GJA8: variants seen among roughly 807,000 people sequenced by gnomAD.
GJA8 encodes the protein gap junction protein alpha 8.
GJA8 carries 13 observed loss-of-function variants against 15.3 expected under a neutral mutation model. The observed-to-expected ratio is 0.85, with a 90% confidence interval of 0.55 to 1.35. The LOEUF (loss-of-function observed/expected upper bound fraction) is 1.35. Ranked by LOEUF, GJA8 falls within the 40% of genes most tolerant of loss-of-function variation. The pLI is 0.00. For synonymous variants in GJA8, 304 were observed against 238.7 expected, an observed-to-expected ratio of 1.27 and a Z score of -2.52; for missense variants, 607 against 553.3, an observed-to-expected ratio of 1.10 and a Z score of -0.97.
rs781805315 is a variant in GJA8, at chr1:147,908,684, C to T, written c.729C>T (p.Pro243=). 1 of 1,614,140 alleles carries T rather than the reference C, an allele frequency of 6.2e-7. No individual in the cohort carries two copies. Among genetic ancestry groups the T allele is most frequent in the South Asian group, 1.1e-5 (1 of 91,070 alleles). ...CCTTGAAGAGGCCTGTAGAGCAGCCCCTGGGGGAGATTCCTGAGAAATCCC... is the reference window on the plus strand; with the variant it reads ...CCTTGAAGAGGCCTGTAGAGCAGCCTCTGGGGGAGATTCCTGAGAAATCCC... ...RSALKRPVEQ[P]LGEIPEKSLH... The change falls in exon 2 of 2, where the codon CCC becomes CCT. Residue 243 remains proline, a synonymous_variant. Coordinates refer to ENST00000369235, the MANE Select transcript of GJA8 (RefSeq NM_005267.5).
chr1:147,909,911 G>A (rs1553243249), downstream of GJA8, among the ~76,000 whole-genome samples: 1 of 152,138 alleles, frequency 6.6e-6, no homozygotes, highest in African/African-American at 2.4e-5. Context: ...CCAGGCTGGG[G>A]TGCAGTGGCA....
Position 147,908,850 on chromosome 1 carries a change from C to A in GJA8, c.895C>A (p.Gln299Lys). The change falls in exon 2 of 2, where the codon CAG (glutamine) becomes AAG (lysine). Residue 299 changes from glutamine to lysine, a missense_variant. Gln to Lys is a moderately conservative substitution (Grantham distance 53). Transcript: ENST00000369235. ...TSPLPAKPFN[Q>K]FEEKISTGPL... ...CCCACTGCCTGCCAAGCCTTTCAATCAGTTCGAGGAGAAGATCAGCACAGG... is the reference window on the plus strand; with the variant it reads ...CCCACTGCCTGCCAAGCCTTTCAATAAGTTCGAGGAGAAGATCAGCACAGG... 1 of 1,614,204 alleles carries A rather than the reference C, an allele frequency of 6.2e-7. No individual in the cohort carries two copies. Among genetic ancestry groups the A allele is most frequent in the Non-Finnish European group, 8.5e-7 (1 of 1,180,046 alleles).
downstream of GJA8, among the ~76,000 whole-genome samples, chr1:147,911,858 G>C (rs181510570): frequency 6.6e-6 from 1 of 152,336 alleles, no homozygotes; most frequent in Non-Finnish European, 1.5e-5. Context: ...ACCAGTTGTA[G>C]AAATGAGGGC....
chr1:147,904,722 C>T (rs972574693), intron 1 of GJA8, among the ~76,000 whole-genome samples: 1 of 152,210 alleles, frequency 6.6e-6, no homozygotes, highest in East Asian at 1.9e-4. Flanking sequence ...CAATACATTT[C>T]CCTTCGCAGC....
chr1:147,909,166 T>C lies in GJA8; in HGVS notation c.1211T>C (p.Leu404Pro). The change falls in exon 2 of 2, where the codon CTC (leucine) becomes CCC (proline). Residue 404 changes from leucine to proline, a missense_variant. By Grantham distance (98) the Leu-to-Pro change is moderately conservative. Transcript: ENST00000369235. ...QGLPAEKTPS[L>P]CPELTTDDAR... ...CTGCCAGCTGAGAAGACACCTTCAC[T>C]CTGTCCAGAGCTGACAACAGATGAT... 2 of 1,613,744 alleles carry C rather than the reference T, an allele frequency of 1.2e-6. No homozygotes were observed. Among genetic ancestry groups the C allele is most frequent in the Non-Finnish European group, 1.7e-6 (2 of 1,179,922 alleles).
rs1651918848 is a variant in GJA8 at position 147,908,553 on chromosome 1, A to G, written c.598A>G (p.Thr200Ala). Residue 200 changes from threonine to alanine, a missense_variant, in exon 2 of 2, where the codon ACG becomes GCG. Physicochemically the swap from Thr to Ala is moderately conservative, Grantham distance 58 (BLOSUM62 0). Transcript: ENST00000369235. Reference sequence around the variant, plus strand: ...GGTGGACTGCTTCGTGTCCCGGCCCACGGAGAAAACCATCTTCATCCTGTT... The same window carrying G: ...GGTGGACTGCTTCGTGTCCCGGCCCGCGGAGAAAACCATCTTCATCCTGTT... ...NVVDCFVSRP[T>A]EKTIFILFML... is the part of the protein sequence containing the mutation. The G allele has an allele frequency of 1.2e-6, 2 of 1,614,114 alleles. No individual in the cohort carries two copies. The highest frequency in any genetic ancestry group is 2.7e-5 in the African/African-American group (2 of 75,036).
intron 1 of GJA8, among the ~76,000 whole-genome samples, chr1:147,907,364 A>C (rs1171065162): frequency 6.6e-6 from 1 of 152,202 alleles, no homozygotes; most frequent in Non-Finnish European, 1.5e-5. Flanking sequence ...ATATAATGTC[A>C]AAGTTCTTTC....
At chr1:147,909,551 T>C (rs1289316868), downstream of GJA8, among the ~76,000 whole-genome samples, 1 of 152,122 alleles carries the variant, frequency 6.6e-6, no homozygotes, top group Non-Finnish European at 1.5e-5. Flanking sequence ...CATCCCCATT[T>C]CTCCATAGAA....
At position 147,908,841 on chromosome 1, in the gene GJA8, C is replaced by G. The variant is rs1651945584; in HGVS notation, c.886C>G (p.Pro296Ala). 4 of 1,614,082 alleles carry G rather than the reference C, an allele frequency of 2.5e-6. No individual in the cohort carries two copies. The highest frequency in any genetic ancestry group is 2.7e-5 in the African/African-American group (2 of 74,918). The change falls in exon 2 of 2, where the codon CCT becomes GCT. Residue 296 changes from proline (P) to alanine (A), a missense_variant. By Grantham distance (27) the Pro-to-Ala change is conservative (BLOSUM62 -1). Transcript: ENST00000369235. The stretch of plus-strand genomic sequence containing the variant: ...GGAGACCAGCCCACTGCCTGCCAAG[C>G]CTTTCAATCAGTTCGAGGAGAAGAT... ...MVETSPLPAKPFNQFEEKIST... is the reference protein window; with the variant it reads ...MVETSPLPAKAFNQFEEKIST...
Position 147,908,088 on chromosome 1 carries a change from TG to T in GJA8, c.139del (p.Asp47MetfsTer44). The T allele has an allele frequency of 1.2e-6, 2 of 1,614,160 alleles. No homozygotes were observed. Among genetic ancestry groups the T allele is most frequent in the Non-Finnish European group, 1.7e-6 (2 of 1,180,020 alleles). ...CCTTGGCACGGCCGCAGAGTTCGTG[TG>T]GGGGGATGAGCAATCCGACTTCGTG... ...LILGTAAEFV[W>X]GDEQSDFVCN... On this transcript the variant is annotated frameshift_variant, in exon 2 of 2. Transcript: ENST00000369235. LOFTEE classifies it high-confidence loss of function.
chr1:147,908,953 GC>G lies in GJA8; in HGVS notation c.999del (p.Glu334ArgfsTer23). 1 of 1,605,418 alleles carries G rather than the reference GC, an allele frequency of 6.2e-7. No homozygotes were observed. ...CAGGTGGGGGCACAAGAAGTGGAGG[GC>G]GAGGGGCCGCCTGCAGAGGAGGGAG... Reference protein sequence around the residue: ...YAQVGAQEVEGEGPPAEEGAE... With the variant: ...YAQVGAQEVEXEGPPAEEGAE... On this transcript the variant is annotated frameshift_variant, in exon 2 of 2. Coordinates refer to ENST00000369235, the MANE Select transcript of GJA8 (RefSeq NM_005267.5). LOFTEE classifies it low-confidence loss of function (END_TRUNC).
At chr1:147,911,993 A>C (rs11485707), downstream of GJA8, among the ~76,000 whole-genome samples, 48 of 152,176 alleles carry the variant, frequency 3.2e-4, no homozygotes, top group African/African-American at 1.1e-3. Context: ...TAGTCTTCCC[A>C]ATAAAAGGAG....
intron 1 of GJA8, among the ~76,000 whole-genome samples, chr1:147,904,734 C>T (rs757852566): frequency 1.2e-4 from 19 of 152,288 alleles, no homozygotes; most frequent in Admixed American, 3.9e-4. Flanking sequence ...CTTCGCAGCT[C>T]TAAAGTGTCT....
downstream of GJA8, among the ~76,000 whole-genome samples, chr1:147,913,667 C>T (rs781860976): frequency 9.2e-5 from 14 of 152,166 alleles, no homozygotes; most frequent in Non-Finnish European, 1.9e-4. Flanking sequence ...GGTCATTAGG[C>T]GTGCTCTAAG....
At position 147,908,634 on chromosome 1, in the gene GJA8, C is replaced by A; in HGVS notation, c.679C>A (p.Leu227Met). Residue 227 changes from leucine (L) to methionine (M), a missense_variant, in exon 2 of 2, where the codon CTG becomes ATG. Leu to Met is a conservative substitution (Grantham distance 15, BLOSUM62 2). Transcript: ENST00000369235. ...CCTCAACGTGATGGAGTTGGGCCACCTGGGCCTGAAGGGGATCCGGTCTGC... is the reference window on the plus strand; with the variant it reads ...CCTCAACGTGATGGAGTTGGGCCACATGGGCCTGAAGGGGATCCGGTCTGC... The part of the protein sequence containing the change: ...LFLNVMELGH[L>M]GLKGIRSALK... 1 of 1,614,126 alleles carries A rather than the reference C, an allele frequency of 6.2e-7. No individual in the cohort carries two copies.
In GJA8 at chr1:147,905,722, A is replaced by G. The variant is rs375819576; in HGVS notation, c.-11-2223A>G. Among the ~76,000 whole-genome samples, 3 of 152,366 alleles carry G rather than the reference A, an allele frequency of 2.0e-5. No homozygotes were observed. In the East Asian group the frequency reaches 5.8e-4, roughly 29 times the overall value. Reference sequence around the variant, plus strand: ...GGCTACCACTCTTACCAGGGCAATTACTAGACTTAACTATAGTCTGAAGAG... The same window carrying G: ...GGCTACCACTCTTACCAGGGCAATTGCTAGACTTAACTATAGTCTGAAGAG... On this transcript the variant is annotated intron_variant, in intron 1 of 1. Transcript: ENST00000369235.
rs1553242885 is a variant in GJA8, at chr1:147,908,859, G to A, written c.904G>A (p.Glu302Lys). ...TGCCAAGCCTTTCAATCAGTTCGAG[G>A]AGAAGATCAGCACAGGACCCCTGGG... ...LPAKPFNQFEEKISTGPLGDL... is the reference protein window; with the variant it reads ...LPAKPFNQFEKKISTGPLGDL... Residue 302 changes from glutamate to lysine, a missense_variant, in exon 2 of 2, where the codon GAG becomes AAG. Physicochemically the swap from Glu to Lys is moderately conservative, Grantham distance 56 (BLOSUM62 1). Coordinates refer to ENST00000369235, the MANE Select transcript of GJA8 (RefSeq NM_005267.5). 1.2e-5 allele frequency: 20 copies of A among 1,614,164 alleles called. No individual in the cohort carries two copies. Among genetic ancestry groups the A allele is most frequent in the Non-Finnish European group, 1.6e-5 (19 of 1,180,030 alleles).
chr1:147,914,034 T>C (rs1652284058), downstream of GJA8, among the ~76,000 whole-genome samples: 1 of 152,134 alleles, frequency 6.6e-6, no homozygotes, highest in Non-Finnish European at 1.5e-5. Context: ...AGAAAAACTT[T>C]TATGAAAGAC....
At chr1:147,903,030 C>T (rs1437760253) in intron 1 of GJA8, among the ~76,000 whole-genome samples, 169 bp downstream of exon 1, 1 of 152,174 alleles carries the variant, frequency 6.6e-6, no homozygotes, top group Non-Finnish European at 1.5e-5. Context: ...AAACCCTCTT[C>T]AAGTTGACCT....
Sources: allele counts gnomAD v4.1 joint callset (sites outside exome capture counted in the v4.1 genomes callset), GRCh38; gene constraint gnomAD v4.1.1; transcripts MANE v1.5; gene names NCBI Gene and HGNC (gene_info 2026-07-23, HGNC 2026-07-21).